Variants in CDKL4 observed in about 807,000 individuals in gnomAD.
The protein encoded by CDKL4 is cyclin-dependent kinase-like 4.
A neutral mutation model predicts 42.0 loss-of-function variants in CDKL4; 44 were observed. The observed-to-expected ratio is 1.05, with a 90% CI of 0.82 to 1.35. The LOEUF is 1.35. CDKL4 is among the 40% of genes most tolerant of loss of function. The probability of loss-of-function intolerance (pLI) is 0.00; values close to 1 mark genes in which losing one functional copy is unlikely to be tolerated. For missense variants in CDKL4, 393 were observed against 369.9 expected, an observed-to-expected ratio of 1.06 and a Z score of -0.51; for synonymous variants, 120 against 121.6, an observed-to-expected ratio of 0.99 and a Z score of 0.09.
At chr2:39,172,024 A>T (rs1675012695), downstream of CDKL4, among the ~76,000 whole-genome samples, 1 of 152,184 alleles carries the variant, frequency 6.6e-6, no homozygotes, top group African/African-American at 2.4e-5. Flanking sequence ...AAAATGCATT[A>T]CACAGGCTGG....
intron 3 of CDKL4, among the ~76,000 whole-genome samples, chr2:39,224,196 C>T (rs1386592967): frequency 6.6e-6 from 1 of 152,080 alleles, no homozygotes; most frequent in African/African-American, 2.4e-5. Flanking sequence ...AAGGGAGTCT[C>T]TTAAACTACT....
At chr2:39,182,189 C>T (rs1558544159) in intron 8 of CDKL4, among the ~76,000 whole-genome samples, 1 of 152,044 alleles carries the variant, frequency 6.6e-6, no homozygotes, top group Non-Finnish European at 1.5e-5. Flanking sequence ...CAGGGTCTGA[C>T]TTTGTTGTCC....
chr2:39,212,234 A>ATT (rs34797813), intron 4 of CDKL4, among the ~76,000 whole-genome samples: 3,916 of 141,532 alleles, frequency 0.028, 190 homozygotes, highest in African/African-American at 0.097. Context: ...AAATTAATGA[A>ATT]TTTTTTTTTT....
downstream of CDKL4, among the ~76,000 whole-genome samples, chr2:39,172,573 C>G (rs553115016): frequency 3.9e-5 from 6 of 152,232 alleles, no homozygotes; most frequent in African/African-American, 1.4e-4. Context: ...GCATCAGAAG[C>G]TGATTTTTCT....
downstream of CDKL4, chr2:39,175,497 C>A (rs903329345): frequency 1.3e-5 from 2 of 152,548 alleles, no homozygotes; most frequent in Admixed American, 6.5e-5. Flanking sequence ...TCAAGGTTCC[C>A]TTTCTACACC....
intron 2 of CDKL4, among the ~76,000 whole-genome samples, chr2:39,226,448 T>G (rs527477961): frequency 3.9e-3 from 335 of 85,400 alleles, no homozygotes; most frequent in African/African-American, 9.7e-3. Flanking sequence ...ATATATATTA[T>G]ATATATATTA....
chr2:39,206,794 A>C (rs1231513663), intron 4 of CDKL4, among the ~76,000 whole-genome samples: 1 of 152,250 alleles, frequency 6.6e-6, no homozygotes, highest in Non-Finnish European at 1.5e-5. Context: ...GTGTCCATTA[A>C]GTGTCACAAT....
intron 1 of CDKL4, among the ~76,000 whole-genome samples, chr2:39,232,543 A>G (rs1040903324): frequency 3.3e-5 from 5 of 152,184 alleles, no homozygotes; most frequent in Non-Finnish European, 7.4e-5. Flanking sequence ...CAATGTTCAC[A>G]AACATGCTCC....
At chr2:39,215,936 T>C (rs1289218591) in intron 3 of CDKL4, among the ~76,000 whole-genome samples, 1 of 152,204 alleles carries the variant, frequency 6.6e-6, no homozygotes, top group Non-Finnish European at 1.5e-5. Context: ...CACTGAATAC[T>C]GATATAACTG....
At position 39,227,963 on chromosome 2, in the gene CDKL4, G is replaced by A. The variant is rs1310514325; in HGVS notation, c.168+1402C>T. ...AGGAAAGGAAGGTCGACTGATCACA[G>A]AAGGAGCTGTTCAGGACCTACATGG... On this transcript the variant is annotated intron_variant, in intron 2 of 9. Coordinates refer to ENST00000451199, the Ensembl canonical transcript of CDKL4. 3.3e-5 allele frequency among the ~76,000 whole-genome samples: 5 copies of A among 152,208 alleles called. No homozygotes were observed. In the East Asian group the frequency reaches 7.7e-4, roughly 23 times the overall value.
the CDKL4 span, among the ~76,000 whole-genome samples, chr2:39,169,540 G>A: frequency 1.3e-5 from 2 of 152,150 alleles, no homozygotes; most frequent in Non-Finnish European, 2.9e-5. Flanking sequence ...CTTGTAGTGG[G>A]AGATATGACC....
chr2:39,192,848 C>T (rs987229105), intron 5 of CDKL4, among the ~76,000 whole-genome samples: 2 of 151,942 alleles, frequency 1.3e-5, no homozygotes, highest in Non-Finnish European at 2.9e-5. Flanking sequence ...TTTCAAGGCC[C>T]GGCACAGTAG....
chr2:39,178,545 G>A, intron 9 of CDKL4: 1 of 1,550,680 alleles, frequency 6.4e-7, no homozygotes, highest in Non-Finnish European at 8.7e-7. Flanking sequence ...TTTCCATGGA[G>A]TTTACGATTT....
chr2:39,216,504 G>A (rs1041110674), intron 3 of CDKL4, among the ~76,000 whole-genome samples: 2 of 152,192 alleles, frequency 1.3e-5, no homozygotes, highest in Admixed American at 6.5e-5. Context: ...GCAAGGAAGT[G>A]ACATAATATG....
intron 5 of CDKL4, among the ~76,000 whole-genome samples, chr2:39,195,750 C>T (rs1676476279): frequency 6.7e-6 from 1 of 150,162 alleles, no homozygotes; most frequent in South Asian, 2.1e-4. Context: ...TCAACTGACT[C>T]TCATGCCTCA....
rs766147022 is a variant in CDKL4, at chr2:39,204,627, C to G, written c.364-10G>C. ...TATCTCTGTGAATACACTGTAAGAT[C>G]ATTATTTGATTATTTTTCTGAACCA... On this transcript the variant is annotated splice_polypyrimidine_tract_variant and intron_variant, in intron 4 of 9. Transcript: ENST00000451199. The G allele has an allele frequency of 3.0e-6, 4 of 1,347,656 alleles. No individual in the cohort carries two copies. Among genetic ancestry groups the G allele is most frequent in the Admixed American group, 3.6e-5 (2 of 55,526 alleles). 83.5% of individuals were successfully genotyped at this position (1,347,656 alleles called of 1,614,324 possible).
chr2:39,201,506 A>G (rs1423234627), intron 5 of CDKL4, among the ~76,000 whole-genome samples: 1 of 152,162 alleles, frequency 6.6e-6, no homozygotes, highest in Non-Finnish European at 1.5e-5. Flanking sequence ...TATATAAAAA[A>G]TATATTTGCA....
intron 5 of CDKL4, among the ~76,000 whole-genome samples, chr2:39,195,045 G>A (rs888286016): frequency 1.3e-5 from 2 of 152,110 alleles, no homozygotes; most frequent in African/African-American, 2.4e-5. Flanking sequence ...GGTAGAGCAC[G>A]TAAATAGAAT....
intron 8 of CDKL4, among the ~76,000 whole-genome samples, chr2:39,183,872 C>A (rs967251810): frequency 6.6e-6 from 1 of 152,136 alleles, no homozygotes; most frequent in Non-Finnish European, 1.5e-5. Context: ...TGGATAGCAC[C>A]ATGGCAGTGA....
Sources: allele counts gnomAD v4.1 joint callset (sites outside exome capture counted in the v4.1 genomes callset), GRCh38; gene constraint gnomAD v4.1.1; transcripts MANE v1.5; gene names NCBI Gene and HGNC (gene_info 2026-07-23, HGNC 2026-07-21).